The following SGCZ variants were observed in gnomAD, a reference collection of about 807,000 sequenced individuals.
The protein encoded by SGCZ is sarcoglycan zeta, also known as zeta-sarcoglycan.
SGCZ carries 40 observed loss-of-function variants against 41.3 expected under a neutral mutation model. The observed-to-expected ratio is 0.97, with a 90% confidence interval of 0.75 to 1.26. SGCZ has a LOEUF of 1.26. Ranked by LOEUF, SGCZ falls within the 50% of genes most tolerant of loss-of-function variation. SGCZ has a pLI of 0.00. For synonymous variants in SGCZ, 206 were observed against 137.5 expected, an observed-to-expected ratio of 1.50 and a Z score of -3.49; for missense variants, 552 against 369.8, an observed-to-expected ratio of 1.49 and a Z score of -4.04.
intron 3 of SGCZ, among the ~76,000 whole-genome samples, chr8:14,288,094 G>A (rs1800702414): frequency 2.6e-5 from 4 of 151,950 alleles, no homozygotes; most frequent in Admixed American, 2.6e-4. Flanking sequence ...GTTGACTTTT[G>A]ACCCATGAAT....
chr8:15,027,608 G>A (rs4323471), intron 1 of SGCZ, among the ~76,000 whole-genome samples: 140,767 of 152,036 alleles, frequency 0.93, 66,100 homozygotes, highest in East Asian at 1. Flanking sequence ...AATAGAAAGT[G>A]GATTTCCGTT....
chr8:15,199,046 A>G (rs1800818337), intron 1 of SGCZ, among the ~76,000 whole-genome samples: 1 of 152,190 alleles, frequency 6.6e-6, no homozygotes, highest in Non-Finnish European at 1.5e-5. Flanking sequence ...TTCGTTTAAA[A>G]CATATTTCAT....
At chr8:14,932,098 T>C (rs1799938512) in intron 1 of SGCZ, among the ~76,000 whole-genome samples, 1 of 151,940 alleles carries the variant, frequency 6.6e-6, no homozygotes, top group Non-Finnish European at 1.5e-5. Flanking sequence ...GGAAATAGAA[T>C]GTGACATATA....
intron 3 of SGCZ, among the ~76,000 whole-genome samples, chr8:14,267,571 T>G (rs1167068608): frequency 1.3e-5 from 2 of 152,078 alleles, no homozygotes; most frequent in African/African-American, 4.8e-5. Context: ...CTATTATGCA[T>G]AATATTCTTA....
chr8:14,946,004 C>CTATA (rs1800429047), intron 1 of SGCZ, among the ~76,000 whole-genome samples: 2 of 45,760 alleles, frequency 4.4e-5, no homozygotes, highest in Non-Finnish European at 7.8e-5. Flanking sequence ...CTAAATGTCC[C>CTATA]CATATATATA....
At position 14,897,004 on chromosome 8, in the gene SGCZ, G is replaced by A. The variant is rs180905467; in HGVS notation, c.39+340581C>T. ...TCACCACATTGGTCAGGCTGGTCTC[G>A]AACTCCTGACCTCATGATTCACCTG... On this transcript the variant is annotated intron_variant, in intron 1 of 7. Transcript: ENST00000382080. 3.9e-3 allele frequency among the ~76,000 whole-genome samples: 586 copies of A among 151,198 alleles called. 4 individuals carry two copies. The highest frequency in any genetic ancestry group is 0.014 in the African/African-American group (567 of 41,182).
intron 3 of SGCZ, among the ~76,000 whole-genome samples, chr8:14,266,364 T>C (rs536707653): frequency 1.8e-4 from 28 of 152,236 alleles, no homozygotes; most frequent in African/African-American, 6.3e-4. Flanking sequence ...GATGATAATA[T>C]GTTTCACACA....
At chr8:14,544,478 C>T (rs752261784) in intron 2 of SGCZ, among the ~76,000 whole-genome samples, 3 of 152,024 alleles carry the variant, frequency 2.0e-5, no homozygotes, top group Non-Finnish European at 4.4e-5. Context: ...AGCCTATAAA[C>T]GGACGTGCAA....
At chr8:14,963,270 T>C (rs1175557711) in intron 1 of SGCZ, among the ~76,000 whole-genome samples, 1 of 152,248 alleles carries the variant, frequency 6.6e-6, no homozygotes, top group South Asian at 2.1e-4. Flanking sequence ...TGGAATTAGA[T>C]TGGTAAATGT....
At chr8:14,160,846 C>G (rs1195332865) in intron 5 of SGCZ, among the ~76,000 whole-genome samples, 1 of 152,190 alleles carries the variant, frequency 6.6e-6, no homozygotes, top group Non-Finnish European at 1.5e-5. Flanking sequence ...TCATAACTGA[C>G]TTTGCCTCAG....
chr8:14,229,789 G>T (rs142093169), intron 4 of SGCZ, among the ~76,000 whole-genome samples: 1 of 151,896 alleles, frequency 6.6e-6, no homozygotes, highest in Admixed American at 6.6e-5. Flanking sequence ...TTGCTTTAAC[G>T]CAAGATTGCA....
intron 7 of SGCZ, among the ~76,000 whole-genome samples, chr8:14,102,130 G>T (rs1234190521): frequency 6.8e-5 from 10 of 148,034 alleles, no homozygotes; most frequent in African/African-American, 2.3e-4. Context: ...AGTAGAGATG[G>T]GGTTTCACCG....
At chr8:14,903,000 TC>T (rs1799016278) in intron 1 of SGCZ, among the ~76,000 whole-genome samples, 1 of 152,164 alleles carries the variant, frequency 6.6e-6, no homozygotes, top group Admixed American at 6.6e-5. Flanking sequence ...TAAAGTATCA[TC>T]CCTCTTAAAT....
intron 1 of SGCZ, among the ~76,000 whole-genome samples, chr8:14,991,665 C>A (rs192661145): frequency 1.3e-5 from 2 of 152,176 alleles, no homozygotes; most frequent in East Asian, 1.9e-4. Flanking sequence ...ACTAGTGATA[C>A]CCTGGAAATT....
At chr8:14,277,153 G>C (rs1402787931) in intron 3 of SGCZ, among the ~76,000 whole-genome samples, 7 of 152,140 alleles carry the variant, frequency 4.6e-5, no homozygotes, top group Admixed American at 1.3e-4. Flanking sequence ...ATATTAAATA[G>C]AGTCTAAATT....
intron 1 of SGCZ, among the ~76,000 whole-genome samples, chr8:14,916,029 G>T (rs1274497656): frequency 6.6e-6 from 1 of 152,154 alleles, no homozygotes; most frequent in Admixed American, 6.6e-5. Flanking sequence ...GTTTTAGAGT[G>T]ACAACTGAAA....
chr8:14,821,137 A>C, intron 1 of SGCZ, among the ~76,000 whole-genome samples: 1 of 152,020 alleles, frequency 6.6e-6, no homozygotes, highest in African/African-American at 2.4e-5. Flanking sequence ...AGAAATGTTA[A>C]AACTGATGTC....
At chr8:14,228,276 T>C (rs1979381) in intron 4 of SGCZ, among the ~76,000 whole-genome samples, 90,781 of 151,938 alleles carry the variant, frequency 0.6, 27,460 homozygotes, top group East Asian at 0.76. Context: ...TTAAAAACAA[T>C]ACTTGGTTAA....
At chr8:15,211,593 C>G (rs765036773) in intron 1 of SGCZ, among the ~76,000 whole-genome samples, 6 of 152,116 alleles carry the variant, frequency 3.9e-5, no homozygotes, top group Non-Finnish European at 8.8e-5. Flanking sequence ...ACCTGCACCT[C>G]CACTCTTCCT....
Sources: allele counts gnomAD v4.1 joint callset (sites outside exome capture counted in the v4.1 genomes callset), GRCh38; gene constraint gnomAD v4.1.1; transcripts MANE v1.5; gene names NCBI Gene and HGNC (gene_info 2026-07-23, HGNC 2026-07-21).